CDK14: variants seen among roughly 807,000 people sequenced by gnomAD.
The protein encoded by CDK14 is cyclin dependent kinase 14.
Under a neutral mutation model 60.7 loss-of-function variants are expected in CDK14, and 34 were observed. The ratio of observed to expected loss-of-function variants is 0.56; its 90% confidence interval spans 0.43 to 0.75. CDK14 has a LOEUF of 0.75. Ranked by LOEUF, CDK14 falls within the 30% of genes least tolerant of loss-of-function variation. CDK14 has a pLI of 0.00. For synonymous variants in CDK14, 197 were observed against 203.7 expected, an observed-to-expected ratio of 0.97 and a Z score of 0.28; for missense variants, 482 against 564.1, an observed-to-expected ratio of 0.85 and a Z score of 1.47.
At chr7:90,876,099 C>G (rs941214443) in intron 6 of CDK14, among the ~76,000 whole-genome samples, 1 of 152,086 alleles carries the variant, frequency 6.6e-6, no homozygotes, top group Non-Finnish European at 1.5e-5. Flanking sequence ...GGTACAGAAG[C>G]AATATGATTG....
At chr7:91,025,203 T>G (rs142402496) in intron 10 of CDK14, among the ~76,000 whole-genome samples, 15 of 152,280 alleles carry the variant, frequency 9.9e-5, no homozygotes, top group Admixed American at 8.5e-4. Context: ...ATATTATGAA[T>G]GCACCATAAC....
intron 2 of CDK14, among the ~76,000 whole-genome samples, chr7:90,625,535 T>A (rs1357280798): frequency 1.3e-5 from 2 of 152,260 alleles, no homozygotes; most frequent in African/African-American, 4.8e-5. Flanking sequence ...TGATCTCTTA[T>A]ACCTTGGACA....
intron 10 of CDK14, among the ~76,000 whole-genome samples, chr7:91,018,870 T>C (rs1796368210): frequency 6.6e-6 from 1 of 152,166 alleles, no homozygotes; most frequent in Admixed American, 6.5e-5. Flanking sequence ...CTTTATAAAT[T>C]ACCCAGTTTC....
At chr7:90,868,155 A>G (rs907128847) in intron 6 of CDK14, among the ~76,000 whole-genome samples, 4 of 151,904 alleles carry the variant, frequency 2.6e-5, no homozygotes, top group African/African-American at 9.7e-5. Flanking sequence ...CTATTTATAT[A>G]TATGCATTCA....
At chr7:90,751,822 G>A (rs2116826137) in intron 4 of CDK14, among the ~76,000 whole-genome samples, 1 of 152,282 alleles carries the variant, frequency 6.6e-6, no homozygotes, top group African/African-American at 2.4e-5. Flanking sequence ...TCAAAGTAAA[G>A]GGTTGGAGAA....
chr7:90,840,709 C>T (rs1356553968), intron 5 of CDK14, among the ~76,000 whole-genome samples: 1 of 152,144 alleles, frequency 6.6e-6, no homozygotes, highest in Non-Finnish European at 1.5e-5. Flanking sequence ...TCTCTTTATC[C>T]TTTTTCCTGT....
In CDK14 at chr7:90,984,549, C is replaced by T. The variant is rs1795323298; in HGVS notation, c.1041+308C>T. 1.3e-5 allele frequency among the ~76,000 whole-genome samples: 2 copies of T among 152,240 alleles called. 1 individual carries two copies. The highest frequency in any genetic ancestry group is 1.3e-4 in the Admixed American group (2 of 15,300). ...CAAATAATTGCTATATAGATACTCC[C>T]TCCCCATCATGTAGGTGGAGCTTAA... On this transcript the variant is annotated intron_variant, in intron 10 of 14. Coordinates refer to ENST00000380050, the MANE Select transcript of CDK14 (RefSeq NM_001287135.2).
At chr7:90,696,314 A>G in intron 2 of CDK14, among the ~76,000 whole-genome samples, 1 of 128,598 alleles carries the variant, frequency 7.8e-6, no homozygotes, top group Admixed American at 7.9e-5. Flanking sequence ...CAGGAATTTG[A>G]TTTGGTTTTG....
intron 4 of CDK14, among the ~76,000 whole-genome samples, chr7:90,764,541 A>G (rs899098972): frequency 1.3e-5 from 2 of 152,224 alleles, no homozygotes; most frequent in African/African-American, 2.4e-5. Context: ...AGGTACCTTA[A>G]AAATCTAGGA....
At chr7:91,161,349 A>G (rs1801163570) in intron 14 of CDK14, among the ~76,000 whole-genome samples, 2 of 152,134 alleles carry the variant, frequency 1.3e-5, no homozygotes, top group African/African-American at 4.8e-5. Context: ...AAGCCAAAAA[A>G]CTGAATTTAC....
chr7:91,040,394 T>C (rs966746438), intron 10 of CDK14, among the ~76,000 whole-genome samples: 3 of 152,216 alleles, frequency 2.0e-5, no homozygotes, highest in Non-Finnish European at 4.4e-5. Flanking sequence ...AGGTTTCTTT[T>C]AGGACTTCTC....
intron 10 of CDK14, among the ~76,000 whole-genome samples, chr7:91,026,946 C>T (rs1435162013): frequency 6.6e-6 from 1 of 152,164 alleles, no homozygotes; most frequent in Non-Finnish European, 1.5e-5. Context: ...ACATGTTCCC[C>T]TCTTTGTTTC....
intron 5 of CDK14, among the ~76,000 whole-genome samples, chr7:90,832,122 A>C (rs575648357): frequency 6.6e-6 from 1 of 152,130 alleles, no homozygotes; most frequent in South Asian, 2.1e-4. Flanking sequence ...CCCTAGTTCC[A>C]GTCACTCTAT....
chr7:90,870,974 AT>A (rs541421544), intron 6 of CDK14, among the ~76,000 whole-genome samples: 2 of 152,064 alleles, frequency 1.3e-5, no homozygotes, highest in East Asian at 1.9e-4. Flanking sequence ...GGAGATCATT[AT>A]TTTTTTTCCA....
At chr7:90,913,302 G>T (rs1385973822) in intron 7 of CDK14, among the ~76,000 whole-genome samples, 1 of 152,186 alleles carries the variant, frequency 6.6e-6, no homozygotes, top group Non-Finnish European at 1.5e-5. Flanking sequence ...TCAGTAGGGT[G>T]GCTGCTTCCT....
intron 14 of CDK14, among the ~76,000 whole-genome samples, chr7:91,192,367 TAGG>T (rs1397815467): frequency 6.6e-6 from 1 of 152,166 alleles, no homozygotes; most frequent in East Asian, 1.9e-4. Flanking sequence ...GTCCAGAAAG[TAGG>T]AGTGGGAAGT....
At chr7:90,769,118 CT>C (rs1804683060) in intron 4 of CDK14, among the ~76,000 whole-genome samples, 1 of 152,140 alleles carries the variant, frequency 6.6e-6, no homozygotes, top group South Asian at 2.1e-4. Context: ...TAAAACACTT[CT>C]TTTTATAAGC....
chr7:90,605,345 G>A (rs1314343376), intron 2 of CDK14, among the ~76,000 whole-genome samples: 1 of 152,142 alleles, frequency 6.6e-6, no homozygotes, highest in African/African-American at 2.4e-5. Context: ...GCTTTACAAA[G>A]CTGTGTGTCC....
In CDK14 at chr7:90,901,169, A is replaced by T. The variant is rs1298918466; in HGVS notation, c.702+1816A>T. ...CACATGGTCATTCATCATACTTCAAATACTTACTGTTTGCTCCTCATTCCG... is the reference window on the plus strand; with the variant it reads ...CACATGGTCATTCATCATACTTCAATTACTTACTGTTTGCTCCTCATTCCG... On this transcript the variant is annotated intron_variant, in intron 7 of 14. Coordinates refer to ENST00000380050, the MANE Select transcript of CDK14 (RefSeq NM_001287135.2). Among the ~76,000 whole-genome samples, 4 of 152,248 alleles carry T rather than the reference A, an allele frequency of 2.6e-5. No homozygotes were observed. The East Asian group carries it at 7.7e-4, about 29-fold the overall frequency.
Sources: gnomAD v4.1 joint callset for allele counts (sites outside exome capture counted in the v4.1 genomes callset) on GRCh38, gnomAD v4.1.1 for gene constraint, MANE v1.5 for transcripts, NCBI Gene and HGNC (gene_info 2026-07-23, HGNC 2026-07-21) for gene names.